Variants in EIF4G3 observed in about 807,000 individuals in gnomAD.
EIF4G3 encodes the protein eukaryotic translation initiation factor 4 gamma 3.
Under a neutral mutation model 186.4 loss-of-function variants are expected in EIF4G3, and 34 were observed. The observed-to-expected ratio is 0.18, with a 90% CI of 0.14 to 0.24. The LOEUF (loss-of-function observed/expected upper bound fraction) is 0.24, where lower values mean the gene tolerates loss of function less well. EIF4G3 is among the 10% of genes least tolerant of loss of function. The pLI is 1.00. For synonymous variants in EIF4G3, 673 were observed against 679.5 expected (o/e 0.99, Z 0.15); for missense variants, 1,536 against 1,948.5 (o/e 0.79, Z 3.99).
rs2059002792 is a variant in EIF4G3, at chr1:20,810,384, G to A, written c.4744+354C>T. Among the ~76,000 whole-genome samples, 1 of 152,142 alleles carries A rather than the reference G, an allele frequency of 6.6e-6. No individual in the cohort carries two copies. The highest frequency in any genetic ancestry group is 2.4e-5 in the African/African-American group (1 of 41,436). ...TTAGCCAGGATGGTCTCGATCTCCT[G>A]ACCTCATGATCCATCTGCCTCGGCC... On this transcript the variant is annotated intron_variant, in intron 36 of 36. Transcript: ENST00000602326. This position sits in a 1 kb window ranked among gnomAD's most constrained non-coding sequence, Gnocchi z 4.1.
At position 21,176,822 on chromosome 1, in the gene EIF4G3, G is replaced by C. The variant is rs2103142120; in HGVS notation, c.-556C>G. The C allele has an allele frequency of 2.8e-6, 2 of 701,784 alleles. No homozygotes were observed. Among genetic ancestry groups the C allele is most frequent in the South Asian group, 3.0e-5 (2 of 67,594 alleles). 43.5% of individuals were successfully genotyped at this position (701,784 alleles called of 1,614,324 possible). A position where few individuals can be genotyped will look rare whatever the true frequency, so the allele number is the denominator to read the frequency against. ...CGGTAGCGGGGCTCAGGCGATGCCGGTGGATTTTCTTCACTCAACGAGCAG... is the reference window on the plus strand; with the variant it reads ...CGGTAGCGGGGCTCAGGCGATGCCGCTGGATTTTCTTCACTCAACGAGCAG... On this transcript the variant is annotated 5_prime_UTR_variant, in exon 1 of 37. Coordinates refer to ENST00000602326, the MANE Select transcript of EIF4G3 (RefSeq NM_001391906.1).
At chr1:21,112,033 G>C (rs1217569909) in intron 2 of EIF4G3, among the ~76,000 whole-genome samples, 1 of 152,088 alleles carries the variant, frequency 6.6e-6, no homozygotes, top group Non-Finnish European at 1.5e-5. Flanking sequence ...AGCTATGAAG[G>C]AAAATTATGG....
intron 12 of EIF4G3, among the ~76,000 whole-genome samples, chr1:20,959,655 C>CAGTAATAATAAT (rs558803925): frequency 7.0e-6 from 1 of 142,526 alleles, no homozygotes; most frequent in African/African-American, 2.6e-5. Context: ...AACAAATCAG[C>CAGTAATAATAAT]AATAATAATA....
At chr1:20,860,573 T>C in intron 23 of EIF4G3, 56 bp from the exon 24 acceptor site, 1 of 1,573,988 alleles carries the variant, frequency 6.4e-7, no homozygotes, top group Non-Finnish European at 8.6e-7. Flanking sequence ...TTTTTAAAAT[T>C]TAAAAATTAG....
rs567743501 is a variant in EIF4G3, at chr1:20,892,500, T to C, written c.2253+1017A>G. 3.9e-5 allele frequency: 31 copies of C among 793,676 alleles called. No homozygotes were observed. In the South Asian group the frequency reaches 4.1e-4, roughly 10 times the overall value. 49.2% of individuals were successfully genotyped at this position (793,676 alleles called of 1,614,324 possible). ...CTGCAGTTTACCAATACTGCACTCT[T>C]TTGTACATGTCATTTGTTAAAATTT... is the stretch of plus-strand genomic sequence containing the variant. On this transcript the variant is annotated intron_variant, in intron 18 of 36. Coordinates refer to ENST00000602326, the MANE Select transcript of EIF4G3 (RefSeq NM_001391906.1).
At chr1:21,027,285 C>G (rs1473169957) in intron 4 of EIF4G3, among the ~76,000 whole-genome samples, 1 of 150,394 alleles carries the variant, frequency 6.6e-6, no homozygotes, top group Non-Finnish European at 1.5e-5. Flanking sequence ...CTCCACCTCC[C>G]GGGTTCAAGT....
At position 20,817,423 on chromosome 1, in the gene EIF4G3, G is replaced by T. The variant is rs369387327; in HGVS notation, c.4484C>A (p.Ala1495Glu). ...RLEKLIIEDK[A>E]NDEQIFDWVE... is the part of the protein sequence containing the mutation. ...CCAGTCAAAGATCTGTTCATCATTCGCTTTGTCCTCAATAATGAGTTTCTC... is the reference window on the plus strand; with the variant it reads ...CCAGTCAAAGATCTGTTCATCATTCTCTTTGTCCTCAATAATGAGTTTCTC... Residue 1495 changes from alanine (A) to glutamate (E), a missense_variant, in exon 34 of 37, where the codon GCG becomes GAG. Ala to Glu is a moderately radical substitution (Grantham distance 107). This residue lies in a region of EIF4G3 where 395 missense variants were observed against 498.9 expected (regional missense o/e 0.79). Transcript: ENST00000602326. The T allele has an allele frequency of 6.2e-7, 1 of 1,605,572 alleles. No individual in the cohort carries two copies. The highest frequency in any genetic ancestry group is 8.5e-7 in the Non-Finnish European group (1 of 1,175,074).
At chr1:21,006,108 A>G (rs147895922) in intron 4 of EIF4G3, among the ~76,000 whole-genome samples, 182 of 152,296 alleles carry the variant, frequency 1.2e-3, no homozygotes, top group African/African-American at 4.2e-3. Flanking sequence ...TTCTCTGTGG[A>G]TGCCTTTAGA....
intron 2 of EIF4G3, chr1:21,174,660 G>C (rs2098065391): frequency 6.6e-6 from 1 of 152,124 alleles, no homozygotes; most frequent in Non-Finnish European, 1.5e-5. Flanking sequence ...CCTTTAAGTA[G>C]GCAAACCAGC....
At chr1:21,116,978 T>C (rs994600218) in intron 2 of EIF4G3, among the ~76,000 whole-genome samples, 1 of 152,170 alleles carries the variant, frequency 6.6e-6, no homozygotes, top group African/African-American at 2.4e-5. Flanking sequence ...GAAAGAGAAC[T>C]CTTGGGTATT....
Position 20,964,949 on chromosome 1 carries a change from T to TTC in EIF4G3, c.714+4523_714+4524dup, listed in dbSNP as rs138912200. ...AAAGGGACAGTCCCACGAGTCGTCT[T>TTC]TCTCTCTCTCTCCACCTGCTGGGTG... On this transcript the variant is annotated intron_variant, in intron 12 of 36. Transcript: ENST00000602326. 6.6e-5 allele frequency among the ~76,000 whole-genome samples: 10 copies of TTC among 152,086 alleles called. No individual in the cohort carries two copies. In the South Asian group the frequency reaches 8.3e-4, roughly 13 times the overall value.
chr1:20,915,477 C>G (rs1286804414), intron 14 of EIF4G3, among the ~76,000 whole-genome samples: 3 of 149,862 alleles, frequency 2.0e-5, no homozygotes, highest in Non-Finnish European at 3.0e-5. Context: ...AAAAAAAACA[C>G]TAAATAAAAT....
At chr1:21,115,448 C>T (rs1001663185) in intron 2 of EIF4G3, among the ~76,000 whole-genome samples, 1 of 152,174 alleles carries the variant, frequency 6.6e-6, no homozygotes, top group African/African-American at 2.4e-5. Flanking sequence ...TATAAAGAGA[C>T]ATGAAGTGAG....
chr1:20,841,636 G>C (rs1265426644), intron 29 of EIF4G3, among the ~76,000 whole-genome samples: 1 of 152,124 alleles, frequency 6.6e-6, no homozygotes, highest in Non-Finnish European at 1.5e-5. Context: ...CTTTTAGTAA[G>C]TTCTTGTGGT....
intron 7 of EIF4G3, among the ~76,000 whole-genome samples, chr1:20,984,641 G>A (rs1030788708): frequency 2.7e-5 from 4 of 149,262 alleles, no homozygotes; most frequent in Non-Finnish European, 5.9e-5. Context: ...CCAGGCTGGA[G>A]TGCAGTGGCG....
intron 24 of EIF4G3, among the ~76,000 whole-genome samples, chr1:20,858,551 C>T (rs921222279): frequency 3.9e-5 from 6 of 152,174 alleles, no homozygotes; most frequent in South Asian, 4.1e-4. Context: ...TCCCTTCTCC[C>T]TTCTTTGTTT....
At chr1:20,977,652 G>A (rs2077117598) in intron 10 of EIF4G3, among the ~76,000 whole-genome samples, 1 of 152,088 alleles carries the variant, frequency 6.6e-6, no homozygotes, top group Non-Finnish European at 1.5e-5. Flanking sequence ...GGGGAAGAAA[G>A]CATATCTATG....
At chr1:21,073,720 T>TA (rs2100472636) in intron 3 of EIF4G3, 1 of 499,976 alleles carries the variant, frequency 2.0e-6, no homozygotes, top group South Asian at 1.5e-5. Context: ...CTAGTTTTGT[T>TA]AGAGACTGTA....
chr1:20,877,171 T>C (rs959405533), intron 20 of EIF4G3, among the ~76,000 whole-genome samples: 1 of 152,182 alleles, frequency 6.6e-6, no homozygotes, highest in African/African-American at 2.4e-5. Flanking sequence ...TCTGATAAAA[T>C]TCAAAACTGG....
Sources: gnomAD v4.1 joint callset for allele counts (sites outside exome capture counted in the v4.1 genomes callset) on GRCh38, gnomAD v4.1.1 for gene constraint, gnomAD v4.1.1 regional missense constraint, Gnocchi (gnomAD v3.1) non-coding constraint, MANE v1.5 for transcripts, NCBI Gene and HGNC (gene_info 2026-07-23, HGNC 2026-07-21) for gene names.